WDR1: variants seen among roughly 807,000 people sequenced by gnomAD.
WDR1 encodes WD repeat domain 1, also known as WD repeat-containing protein 1.
A neutral mutation model predicts 71.9 loss-of-function variants in WDR1; 21 were observed. The observed-to-expected ratio is 0.29, with a 90% CI of 0.21 to 0.42. The LOEUF (loss-of-function observed/expected upper bound fraction) is 0.42. WDR1 is among the 10% of genes least tolerant of loss of function. The pLI, the probability that WDR1 is intolerant of heterozygous loss-of-function variation, is 1.00. For synonymous variants in WDR1, 424 were observed against 347.4 expected (o/e 1.22, Z -2.45); for missense variants, 696 against 824.5 (o/e 0.84, Z 1.91).
At chr4:10,111,230 A>C (rs1412863248) in intron 2 of WDR1, among the ~76,000 whole-genome samples, 1 of 152,158 alleles carries the variant, frequency 6.6e-6, no homozygotes, top group Non-Finnish European at 1.5e-5. Context: ...ACCACTGCAC[A>C]CCAGCACTTC....
At chr4:10,081,143 A>G (rs1764998774) in intron 11 of WDR1, among the ~76,000 whole-genome samples, 1 of 152,236 alleles carries the variant, frequency 6.6e-6, no homozygotes, top group Non-Finnish European at 1.5e-5. Context: ...GCCTTGGACA[A>G]CCAATTTATC....
chr4:10,102,493 C>T (rs1180369654), intron 3 of WDR1, among the ~76,000 whole-genome samples: 1 of 152,240 alleles, frequency 6.6e-6, no homozygotes, highest in African/African-American at 2.4e-5. Flanking sequence ...TCTTCTCTCA[C>T]CTTCTCTTTG....
intron 2 of WDR1, among the ~76,000 whole-genome samples, chr4:10,104,705 A>AAC (rs756494377): frequency 5.9e-5 from 9 of 151,982 alleles, no homozygotes; most frequent in Non-Finnish European, 8.8e-5. Context: ...GTGAAACAGA[A>AAC]ACACACACAC....
chr4:10,080,696 G>A (rs1764980781), intron 11 of WDR1, among the ~76,000 whole-genome samples: 1 of 152,240 alleles, frequency 6.6e-6, no homozygotes, highest in South Asian at 2.1e-4. Flanking sequence ...GCAGAATTCT[G>A]TATAAAGTGG....
rs753306624 is a variant in WDR1 at position 10,103,937 on chromosome 4, A to G, written c.188T>C (p.Val63Ala). 6.2e-7 allele frequency: 1 copy of G among 1,602,894 alleles called. No individual in the cohort carries two copies. The highest frequency in any genetic ancestry group is 8.5e-7 in the Non-Finnish European group (1 of 1,175,076). Residue 63 changes from valine to alanine, a missense_variant, in exon 3 of 15, where the codon GTG becomes GCG. Coordinates refer to ENST00000499869, the MANE Select transcript of WDR1 (RefSeq NM_017491.5). ...IYTEHAHQVVVAKYAPSGFYI... is the reference protein window; with the variant it reads ...IYTEHAHQVVAAKYAPSGFYI... ...GAATCCGCTGGGCGCATACTTGGCC[A>G]CCACCACCTGATGGGCGTGCTCTGT...
chr4:10,111,527 T>A (rs927321724), intron 2 of WDR1, among the ~76,000 whole-genome samples: 2 of 152,156 alleles, frequency 1.3e-5, no homozygotes, highest in Non-Finnish European at 2.9e-5. Context: ...ACCACTTCCT[T>A]CTGCCACCTA....
rs570317655 is a variant in WDR1 at position 10,097,866 on chromosome 4, T to C, written c.403A>G (p.Ser135Gly). The C allele has an allele frequency of 6.2e-7, 1 of 1,601,856 alleles. No homozygotes were observed. Residue 135 changes from serine (S) to glycine (G), a missense_variant, in exon 5 of 15, where the codon AGT becomes GGT. Ser to Gly is a moderately conservative substitution (Grantham distance 56). Transcript: ENST00000499869. Reference sequence around the variant, plus strand: ...GTAATCTCGCCCACAGAAGAGCCACTATCCCAGAGGAAGACTGCTCCAAAC... The same window carrying C: ...GTAATCTCGCCCACAGAAGAGCCACCATCCCAGAGGAAGACTGCTCCAAAC... ...EKFGAVFLWD[S>G]GSSVGEITGH... is the part of the protein sequence containing the mutation.
chr4:10,107,747 C>G (rs1463400678), intron 2 of WDR1, among the ~76,000 whole-genome samples: 1 of 152,160 alleles, frequency 6.6e-6, no homozygotes, highest in Non-Finnish European at 1.5e-5. Context: ...GTCCGGGGGC[C>G]TCTGAGGACA....
At chr4:10,076,305 G>C (rs1764796873) in intron 14 of WDR1, 1 of 152,382 alleles carries the variant, frequency 6.6e-6, no homozygotes, top group Non-Finnish European at 1.5e-5. Context: ...GTGAGGCCAG[G>C]CTTTAGCACT....
intron 9 of WDR1, among the ~76,000 whole-genome samples, chr4:10,084,154 G>A (rs549405023): frequency 4.6e-5 from 7 of 152,350 alleles, no homozygotes; most frequent in Non-Finnish European, 7.4e-5. Context: ...GCTCAGGGCC[G>A]TTAAGCCACA....
chr4:10,108,866 C>T (rs557617477), intron 2 of WDR1, among the ~76,000 whole-genome samples: 1 of 152,250 alleles, frequency 6.6e-6, no homozygotes, highest in Non-Finnish European at 1.5e-5. Flanking sequence ...CCTTCCCTGA[C>T]TCCCACCCCA....
Position 10,093,106 on chromosome 4 carries a change from C to A in WDR1, c.559-4365G>T, listed in dbSNP as rs957286877. 1.0e-5 allele frequency: 13 copies of A among 1,289,352 alleles called. No homozygotes were observed. In the African/African-American group the frequency reaches 2.0e-4, roughly 20 times the overall value. 79.9% of individuals were successfully genotyped at this position (1,289,352 alleles called of 1,614,324 possible). ...TTAAGTACCACACCCATGTCAACAT[C>A]ACAGAGCGACAGAGCGCTGCAGGCC... On this transcript the variant is annotated intron_variant, in intron 5 of 14. Coordinates refer to ENST00000499869, the MANE Select transcript of WDR1 (RefSeq NM_017491.5).
chr4:10,089,710 C>T lies in WDR1; in HGVS notation c.559-969G>A, dbSNP rs770312673. ...GGAAGGGCTCGCTGCTCAGCAGGTA[C>T]GAACACTAACCTTCAGGAAAAGCAA... is the stretch of plus-strand genomic sequence containing the variant. On this transcript the variant is annotated intron_variant, in intron 5 of 14. Transcript: ENST00000499869. Among the ~76,000 whole-genome samples, 5 of 152,216 alleles carry T rather than the reference C, an allele frequency of 3.3e-5. No homozygotes were observed. In the South Asian group the frequency reaches 8.3e-4, roughly 25 times the overall value.
chr4:10,093,751 G>A (rs1020210534), intron 5 of WDR1, among the ~76,000 whole-genome samples: 2 of 152,216 alleles, frequency 1.3e-5, no homozygotes, highest in African/African-American at 4.8e-5. Flanking sequence ...TCGACAGGAG[G>A]GGTGGCGCGT....
Position 10,084,426 on chromosome 4 carries a change from T to C in WDR1, c.1039+17A>G, listed in dbSNP as rs532355093. On this transcript the variant is annotated intron_variant, in intron 9 of 14. Coordinates refer to ENST00000499869, the MANE Select transcript of WDR1 (RefSeq NM_017491.5). ...GAGCCAGCGGCTCCGGAGCCAGCTC[T>C]TTGAGTCAAAGGATATTAATGTGTC... is the stretch of plus-strand genomic sequence containing the variant. The C allele has an allele frequency of 2.5e-6, 4 of 1,612,114 alleles. No individual in the cohort carries two copies. In the African/African-American group the frequency reaches 5.3e-5, roughly 21 times the overall value.
chr4:10,100,953 C>T (rs1712648154), intron 3 of WDR1, among the ~76,000 whole-genome samples: 1 of 152,244 alleles, frequency 6.6e-6, no homozygotes, highest in African/African-American at 2.4e-5. Context: ...GCCCATGCTG[C>T]CCCATGGAGA....
intron 4 of WDR1, among the ~76,000 whole-genome samples, chr4:10,098,281 G>GTT (rs1212182272): frequency 6.6e-6 from 1 of 152,156 alleles, no homozygotes; most frequent in East Asian, 1.9e-4. Flanking sequence ...CAAAAACACT[G>GTT]TTTTAGTTAC....
intron 2 of WDR1, among the ~76,000 whole-genome samples, chr4:10,105,902 G>C (rs1235808910): frequency 6.6e-6 from 1 of 152,166 alleles, no homozygotes; most frequent in Non-Finnish European, 1.5e-5. Context: ...AGAGAAACAG[G>C]CAACACACCG....
At chr4:10,104,751 G>C (rs1330698380) in intron 2 of WDR1, among the ~76,000 whole-genome samples, 1 of 152,196 alleles carries the variant, frequency 6.6e-6, no homozygotes, top group African/African-American at 2.4e-5. Flanking sequence ...CCACAGTGAA[G>C]CTTTCTTTCA....
Sources: allele counts gnomAD v4.1 joint callset (sites outside exome capture counted in the v4.1 genomes callset), GRCh38; gene constraint gnomAD v4.1.1; transcripts MANE v1.5; gene names NCBI Gene and HGNC (gene_info 2026-07-23, HGNC 2026-07-21).